The following SYNE1 variants were observed in gnomAD, a reference collection of about 807,000 sequenced individuals.
SYNE1 encodes spectrin repeat containing nuclear envelope protein 1.
In SYNE1, 616 loss-of-function variants were observed where a neutral mutation model predicts 1,111.0. That is an observed-to-expected ratio of 0.55 (90% confidence interval 0.52 to 0.59). The LOEUF (loss-of-function observed/expected upper bound fraction) is 0.59. Ranked by LOEUF, SYNE1 falls within the 20% of genes least tolerant of loss-of-function variation. SYNE1 has a pLI of 0.00. For synonymous variants in SYNE1, 3,855 were observed against 3,825.8 expected, an observed-to-expected ratio of 1.01 and a Z score of -0.28; for missense variants, 10,006 against 10,417.0, an observed-to-expected ratio of 0.96 and a Z score of 1.72.
intron 11 of SYNE1, among the ~76,000 whole-genome samples, chr6:152,494,730 T>C (rs1593953851): frequency 6.6e-6 from 1 of 152,320 alleles, no homozygotes; most frequent in Admixed American, 6.5e-5. Context: ...TCCTCCATCG[T>C]TAATGACTCT....
intron 4 of SYNE1, among the ~76,000 whole-genome samples, chr6:152,538,151 T>C (rs894891753): frequency 3.3e-5 from 5 of 152,186 alleles, no homozygotes; most frequent in Non-Finnish European, 4.4e-5. Context: ...TCTTAGAATA[T>C]ATTAAAATCA....
intron 3 of SYNE1, among the ~76,000 whole-genome samples, chr6:152,575,562 T>C (rs1033375801): frequency 1.3e-5 from 2 of 152,234 alleles, no homozygotes; most frequent in Admixed American, 6.5e-5. Context: ...AGAAGTTATA[T>C]TGCATTTCAC....
At chr6:152,253,830 T>TTG (rs2090099168) in intron 104 of SYNE1, among the ~76,000 whole-genome samples, 3 of 60,012 alleles carry the variant, frequency 5.0e-5, no homozygotes, top group Non-Finnish European at 8.3e-5. Context: ...TTTTTTTTTT[T>TTG]TTTTTTTTTT....
intron 3 of SYNE1, 60 bp from the exon 4 acceptor site, chr6:152,540,081 A>G: frequency 6.6e-7 from 1 of 1,512,906 alleles, no homozygotes; most frequent in Non-Finnish European, 9.2e-7. Flanking sequence ...GTATAATGAG[A>G]AAAAGTCCTA....
At chr6:152,232,311 A>G in intron 112 of SYNE1, 46 bp from the exon 113 acceptor site, 1 of 1,606,062 alleles carries the variant, frequency 6.2e-7, no homozygotes, top group African/African-American at 1.3e-5. Flanking sequence ...TAAAATGGAA[A>G]CCCCAACTTC....
rs773224702 is a variant in SYNE1, at chr6:152,416,632, G to A, written c.5805C>T (p.Tyr1935=). The change falls in exon 41 of 146, where the codon TAC becomes TAT. Residue 1935 remains tyrosine, a synonymous_variant. Coordinates refer to ENST00000367255, the MANE Select transcript of SYNE1 (RefSeq NM_182961.4). ...GCTCAGAGCTCCCGATTTTCAGATG[G>A]TATTGGGCTTTGGAAAGAATGCCAT... ...SLDGILSKAQ[Y]HLKIGSSEQR... is the part of the protein sequence containing the mutation. 1.9e-6 allele frequency: 3 copies of A among 1,614,070 alleles called. No individual in the cohort carries two copies. Among genetic ancestry groups the A allele is most frequent in the African/African-American group, 2.7e-5 (2 of 74,928 alleles).
chr6:152,156,044 G>T lies in SYNE1; in HGVS notation c.23844C>A (p.Asn7948Lys), dbSNP rs1482602128. ...AGTCGTGCAGCAGGACTTCACACAG[G>T]TTGAGGACAGATGCAACACCTGTAC... Reference protein sequence around the residue: ...KHSTGVASVLNLCEVLLHDCD... With the variant: ...KHSTGVASVLKLCEVLLHDCD... The change falls in exon 132 of 146, where the codon AAC becomes AAA. Residue 7948 changes from asparagine to lysine, a missense_variant. By Grantham distance (94) the Asn-to-Lys change is moderately conservative (BLOSUM62 0). This residue lies in a region of SYNE1 where 2,182 missense variants were observed against 2,287.8 expected (regional missense o/e 0.95). Coordinates refer to ENST00000367255, the MANE Select transcript of SYNE1 (RefSeq NM_182961.4). 6.2e-7 allele frequency: 1 copy of T among 1,614,050 alleles called. No individual in the cohort carries two copies. Among genetic ancestry groups the T allele is most frequent in the East Asian group, 2.2e-5 (1 of 44,888 alleles).
At chr6:152,464,813 T>C (rs1341913056) in intron 18 of SYNE1, 1 of 250,818 alleles carries the variant, frequency 4.0e-6, no homozygotes, top group Non-Finnish European at 7.8e-6. Flanking sequence ...ATGAGACCCT[T>C]GCTTGAAGGT....
intron 119 of SYNE1, among the ~76,000 whole-genome samples, 165 bp from the exon 120 acceptor site, chr6:152,219,350 T>A (rs1362883822): frequency 1.3e-5 from 2 of 152,200 alleles, no homozygotes; most frequent in Admixed American, 1.3e-4. Flanking sequence ...CTGAACCCCA[T>A]TTTTTAAAAT....
At chr6:152,422,682 A>T (rs1416657013) in intron 39 of SYNE1, among the ~76,000 whole-genome samples, 1 of 151,864 alleles carries the variant, frequency 6.6e-6, no homozygotes, top group Non-Finnish European at 1.5e-5. Flanking sequence ...TTTTGAAAAA[A>T]ATTTATTGTA....
At chr6:152,229,928 T>A (rs1359326) in intron 115 of SYNE1, among the ~76,000 whole-genome samples, 97,556 of 152,076 alleles carry the variant, frequency 0.64, 31,720 homozygotes, top group East Asian at 0.78. Context: ...ATGGATGCAT[T>A]AAGAAAATGT....
intron 126 of SYNE1, among the ~76,000 whole-genome samples, chr6:152,203,475 G>A (rs960461232): frequency 5.3e-5 from 8 of 152,008 alleles, no homozygotes; most frequent in Non-Finnish European, 1.0e-4. Context: ...TCCATACACC[G>A]TGAATTACAG....
At chr6:152,381,437 A>C (rs1490600498) in intron 55 of SYNE1, 75 bp from the exon 56 acceptor site, 20 of 1,481,930 alleles carry the variant, frequency 1.3e-5, no homozygotes, top group Non-Finnish European at 1.5e-5. Flanking sequence ...CTGTGTACAC[A>C]GGGGGACCCT....
intron 3 of SYNE1, among the ~76,000 whole-genome samples, chr6:152,565,567 C>A (rs770399425): frequency 6.6e-6 from 1 of 151,798 alleles, no homozygotes; most frequent in African/African-American, 2.4e-5. Flanking sequence ...TCTTGAAATT[C>A]TCATTTGGTA....
At chr6:152,278,358 G>T in intron 97 of SYNE1, 78 bp from the exon 98 acceptor site, 1 of 1,523,210 alleles carries the variant, frequency 6.6e-7, no homozygotes, top group Non-Finnish European at 9.1e-7. Context: ...GTGAAATACA[G>T]CCCTTTGGAG....
Position 152,367,520 on chromosome 6 carries a change from A to G in SYNE1, c.9808-138T>C, listed in dbSNP as rs2097102395. 3.2e-5 allele frequency: 30 copies of G among 936,926 alleles called. No homozygotes were observed. The South Asian group carries it at 3.8e-4, about 12-fold the overall frequency. The allele number at this position is 936,926 out of a possible 1,614,324, so 58.0% of individuals were successfully genotyped here. A position where few individuals can be genotyped will look rare whatever the true frequency, so the allele number is the denominator to read the frequency against. Reference sequence around the variant, plus strand: ...TACGAGGCAAGTCTGGCCTAAATCTATGAGATATGTTAAAGATCTTTCTAA... The same window carrying G: ...TACGAGGCAAGTCTGGCCTAAATCTGTGAGATATGTTAAAGATCTTTCTAA... On this transcript the variant is annotated intron_variant, in intron 61 of 145. Transcript: ENST00000367255.
chr6:152,151,471 G>C, intron 135 of SYNE1, 82 bp downstream of exon 135: 1 of 1,561,602 alleles, frequency 6.4e-7, no homozygotes, highest in Non-Finnish European at 8.7e-7. Context: ...AAAGTTATTT[G>C]CTATGTTCTT....
chr6:152,387,425 A>C, intron 53 of SYNE1, 44 bp from the exon 54 acceptor site: 1 of 1,591,224 alleles, frequency 6.3e-7, no homozygotes, highest in Non-Finnish European at 8.6e-7. Context: ...TTATTTTGAC[A>C]TCTCTACTGA....
At chr6:152,484,772 T>C (rs2098930672) in intron 13 of SYNE1, 63 bp downstream of exon 13, 1 of 1,565,120 alleles carries the variant, frequency 6.4e-7, no homozygotes, top group Non-Finnish European at 8.8e-7. Flanking sequence ...TAGAAATAGA[T>C]GATGAAAAAT....
Sources: allele counts gnomAD v4.1 joint callset (sites outside exome capture counted in the v4.1 genomes callset), GRCh38; gene constraint gnomAD v4.1.1; regional missense constraint gnomAD v4.1.1; transcripts MANE v1.5; gene names NCBI Gene and HGNC (gene_info 2026-07-23, HGNC 2026-07-21).